NRXN1: variants seen among roughly 807,000 people sequenced by gnomAD.
The protein encoded by NRXN1 is neurexin 1.
Under a neutral mutation model 150.9 loss-of-function variants are expected in NRXN1, and 39 were observed. That is an observed-to-expected ratio of 0.26 (90% CI 0.20 to 0.34). The LOEUF (loss-of-function observed/expected upper bound fraction) is 0.34. Ranked by LOEUF, NRXN1 falls within the 10% of genes least tolerant of loss-of-function variation. The pLI, the probability that NRXN1 is intolerant of heterozygous loss-of-function variation, is 1.00. For missense variants in NRXN1, 1,815 were observed against 1,949.9 expected, an observed-to-expected ratio of 0.93 and a Z score of 1.30; for synonymous variants, 924 against 757.0, an observed-to-expected ratio of 1.22 and a Z score of -3.62.
At chr2:50,217,121 T>C (rs887525950) in intron 18 of NRXN1, among the ~76,000 whole-genome samples, 5 of 152,056 alleles carry the variant, frequency 3.3e-5, no homozygotes, top group Non-Finnish European at 7.4e-5. Flanking sequence ...AGAAATGTTA[T>C]TGTAGCAAAG....
intron 18 of NRXN1, among the ~76,000 whole-genome samples, chr2:50,182,004 A>G (rs931189707): frequency 2.0e-5 from 3 of 151,590 alleles, no homozygotes; most frequent in Non-Finnish European, 2.9e-5. Flanking sequence ...TAAGGTTTCC[A>G]TATCTTTTTT....
At chr2:50,598,937 T>C (rs1230697177) in intron 8 of NRXN1, among the ~76,000 whole-genome samples, 5 of 151,500 alleles carry the variant, frequency 3.3e-5, no homozygotes, top group African/African-American at 1.2e-4. Flanking sequence ...TTGTTTTGTT[T>C]TGTTTTGTAC....
intron 18 of NRXN1, among the ~76,000 whole-genome samples, chr2:50,221,796 T>G (rs1031047411): frequency 6.6e-6 from 1 of 151,996 alleles, no homozygotes; most frequent in Non-Finnish European, 1.5e-5. Context: ...TATGAGTTAC[T>G]CCCTTGATAT....
At chr2:50,397,708 G>C (rs2082136418) in intron 17 of NRXN1, among the ~76,000 whole-genome samples, 1 of 152,108 alleles carries the variant, frequency 6.6e-6, no homozygotes, top group African/African-American at 2.4e-5. Context: ...TCAGTAAAAA[G>C]GATAGGCTCA....
At chr2:50,180,017 T>G (rs2060598417) in intron 18 of NRXN1, among the ~76,000 whole-genome samples, 1 of 152,104 alleles carries the variant, frequency 6.6e-6, no homozygotes, top group African/African-American at 2.4e-5. Context: ...AATTTTTAAT[T>G]TTAATATTAA....
At chr2:50,809,731 C>T (rs1442441726) in intron 5 of NRXN1, among the ~76,000 whole-genome samples, 2 of 152,064 alleles carry the variant, frequency 1.3e-5, no homozygotes, top group Non-Finnish European at 2.9e-5. Flanking sequence ...GTGATAAACA[C>T]ATGTCTAAGA....
chr2:50,660,339 A>T (rs964761663), intron 5 of NRXN1, among the ~76,000 whole-genome samples: 12 of 152,040 alleles, frequency 7.9e-5, no homozygotes, highest in Admixed American at 3.9e-4. Flanking sequence ...CTAGGCTCTT[A>T]ACAACACCCT....
At chr2:50,932,364 A>G (rs931303111) in intron 2 of NRXN1, among the ~76,000 whole-genome samples, 1 of 151,840 alleles carries the variant, frequency 6.6e-6, no homozygotes, top group Non-Finnish European at 1.5e-5. Context: ...CCACCTCTTT[A>G]CATTAAGTTT....
chr2:50,129,597 A>G (rs1705165031), intron 18 of NRXN1, among the ~76,000 whole-genome samples: 1 of 152,196 alleles, frequency 6.6e-6, no homozygotes, highest in Non-Finnish European at 1.5e-5. Context: ...ATGTGTCCTA[A>G]TATAAAAACA....
At chr2:50,104,953 C>T (rs765592995) in intron 18 of NRXN1, among the ~76,000 whole-genome samples, 1 of 151,992 alleles carries the variant, frequency 6.6e-6, no homozygotes. Flanking sequence ...ACTCATTTTG[C>T]CAGCCTACCA....
At chr2:50,020,221 T>C (rs1687363022) in intron 21 of NRXN1, among the ~76,000 whole-genome samples, 1 of 152,136 alleles carries the variant, frequency 6.6e-6, no homozygotes, top group African/African-American at 2.4e-5. Context: ...TTAAAAATGA[T>C]TGTGTATCAT....
intron 17 of NRXN1, among the ~76,000 whole-genome samples, chr2:50,437,444 T>C (rs1034522198): frequency 6.6e-6 from 1 of 152,246 alleles, no homozygotes; most frequent in Non-Finnish European, 1.5e-5. Flanking sequence ...CCAGTGTTAT[T>C]TTCACCTAAA....
chr2:50,567,124 T>C (rs191047560), intron 8 of NRXN1, among the ~76,000 whole-genome samples: 8 of 152,336 alleles, frequency 5.3e-5, no homozygotes, highest in Admixed American at 2.6e-4. Flanking sequence ...TTGTGCTCAC[T>C]TCACTCTTAG....
At chr2:50,500,845 C>G (rs765896615) in intron 13 of NRXN1, among the ~76,000 whole-genome samples, 5 of 152,116 alleles carry the variant, frequency 3.3e-5, no homozygotes, top group Admixed American at 6.5e-5. Flanking sequence ...CAAAATAACC[C>G]TCCCTTACAT....
intron 17 of NRXN1, among the ~76,000 whole-genome samples, chr2:50,268,820 C>G (rs532206081): frequency 6.6e-6 from 1 of 152,214 alleles, no homozygotes; most frequent in Non-Finnish European, 1.5e-5. Context: ...CACATAGCTT[C>G]TAGCCAATTA....
At chr2:50,767,786 T>C (rs987392289) in intron 5 of NRXN1, among the ~76,000 whole-genome samples, 5 of 152,216 alleles carry the variant, frequency 3.3e-5, no homozygotes, top group East Asian at 3.9e-4. Context: ...CTGGGTTATA[T>C]AGCTAATAAA....
Position 50,390,311 on chromosome 2 carries a change from T to C in NRXN1, c.3364+75131A>G, listed in dbSNP as rs6735773. ...ACTTCTCCTCCTGCCCTTTTTTTAA[T>C]TCCATGAATCAAAAGGGAAGTCCCC... On this transcript the variant is annotated intron_variant, in intron 17 of 22. Coordinates refer to ENST00000401669, the MANE Select transcript of NRXN1 (RefSeq NM_001330078.2). Among the ~76,000 whole-genome samples the C allele has an allele frequency of 7.2e-3, 1,097 of 152,278 alleles. 19 individuals carry two copies. Among genetic ancestry groups the C allele is most frequent in the African/African-American group, 0.025 (1,042 of 41,572 alleles).
chr2:50,710,746 A>T (rs1695039086), intron 5 of NRXN1, among the ~76,000 whole-genome samples: 1 of 152,208 alleles, frequency 6.6e-6, no homozygotes. Flanking sequence ...CAGAGCTGAT[A>T]AACATCTAAC....
Position 50,214,760 on chromosome 2 carries a change from C to T in NRXN1, c.3546+22029G>A, listed in dbSNP as rs189513167. Among the ~76,000 whole-genome samples, 88 of 152,016 alleles carry T rather than the reference C, an allele frequency of 5.8e-4. 1 individual carries two copies. The East Asian group carries it at 0.016, about 27-fold the overall frequency. On this transcript the variant is annotated intron_variant, in intron 18 of 22. Transcript: ENST00000401669. The stretch of plus-strand genomic sequence containing the variant: ...AAGTGACTATAAGATAATGAAACTG[C>T]TTTCTTGTATGATTTTTGGAAACCA...
Sources: allele counts gnomAD v4.1 joint callset (sites outside exome capture counted in the v4.1 genomes callset), GRCh38; gene constraint gnomAD v4.1.1; transcripts MANE v1.5; gene names NCBI Gene and HGNC (gene_info 2026-07-23, HGNC 2026-07-21).